Variants in CERS6 observed in about 807,000 individuals in gnomAD.
The protein encoded by CERS6 is LAG1 homolog, ceramide synthase 6.
Under a neutral mutation model 56.8 loss-of-function variants are expected in CERS6, and 26 were observed. The ratio of observed to expected loss-of-function variants is 0.46; its 90% CI spans 0.34 to 0.63. The LOEUF is 0.63. Ranked by LOEUF, CERS6 falls within the 30% of genes least tolerant of loss-of-function variation. The probability of loss-of-function intolerance (pLI) is 0.01; values close to 1 mark genes in which losing one functional copy is unlikely to be tolerated. For synonymous variants in CERS6, 164 were observed against 173.3 expected, an observed-to-expected ratio of 0.95 and a Z score of 0.42; for missense variants, 415 against 467.5, an observed-to-expected ratio of 0.89 and a Z score of 1.04.
At chr2:168,462,709 A>T (rs12616351) in intron 1 of CERS6, among the ~76,000 whole-genome samples, 3 of 151,746 alleles carry the variant, frequency 2.0e-5, no homozygotes, top group Non-Finnish European at 4.4e-5. Context: ...GCTAATTTTT[A>T]ATTTTTTTTT....
chr2:168,717,001 G>C (rs1184294710), intron 7 of CERS6, among the ~76,000 whole-genome samples: 1 of 152,110 alleles, frequency 6.6e-6, no homozygotes, highest in East Asian at 1.9e-4. Context: ...GTGTGTAGGT[G>C]CTGTGAATTC....
At chr2:168,489,104 T>C (rs1694324133) in intron 1 of CERS6, among the ~76,000 whole-genome samples, 3 of 152,152 alleles carry the variant, frequency 2.0e-5, no homozygotes, top group Admixed American at 2.0e-4. Context: ...ATGAATACTT[T>C]TAATTTTCCT....
chr2:168,565,572 A>G (rs1695870201), intron 3 of CERS6, among the ~76,000 whole-genome samples: 1 of 152,218 alleles, frequency 6.6e-6, no homozygotes, highest in Non-Finnish European at 1.5e-5. Flanking sequence ...CTTCAGGATA[A>G]TTGTATTTCA....
chr2:168,492,081 C>T (rs534896018), intron 1 of CERS6, among the ~76,000 whole-genome samples: 8 of 152,272 alleles, frequency 5.3e-5, no homozygotes, highest in Non-Finnish European at 5.9e-5. Flanking sequence ...AGTAAACATA[C>T]GTGTGCATGT....
intron 1 of CERS6, among the ~76,000 whole-genome samples, chr2:168,499,921 T>G (rs1694549543): frequency 1.3e-5 from 2 of 152,126 alleles, no homozygotes. Context: ...CTCTCATTAT[T>G]GGGCTGGATG....
At chr2:168,486,100 A>G (rs537264779) in intron 1 of CERS6, among the ~76,000 whole-genome samples, 2 of 152,274 alleles carry the variant, frequency 1.3e-5, no homozygotes, top group South Asian at 2.1e-4. Context: ...TCTTAATGAC[A>G]TATGATATTG....
chr2:168,599,403 C>T (rs926109574), intron 3 of CERS6, among the ~76,000 whole-genome samples: 7 of 152,132 alleles, frequency 4.6e-5, no homozygotes, highest in African/African-American at 1.7e-4. Context: ...CTTATCCTTT[C>T]TGTATTTTTC....
At chr2:168,752,169 G>A (rs1171214270) in intron 8 of CERS6, among the ~76,000 whole-genome samples, 2 of 152,052 alleles carry the variant, frequency 1.3e-5, no homozygotes, top group African/African-American at 4.8e-5. Flanking sequence ...CAGATGTGGT[G>A]GTGGCACAGC....
At chr2:168,740,410 C>A (rs977164508) in intron 8 of CERS6, among the ~76,000 whole-genome samples, 3 of 152,188 alleles carry the variant, frequency 2.0e-5, no homozygotes, top group African/African-American at 4.8e-5. Flanking sequence ...TTGCCAAACA[C>A]TACTAGGTAA....
intron 3 of CERS6, among the ~76,000 whole-genome samples, chr2:168,602,496 T>G (rs999713987): frequency 6.7e-6 from 1 of 150,314 alleles, no homozygotes; most frequent in Non-Finnish European, 1.5e-5. Flanking sequence ...GATAGACTTT[T>G]TACACAGGAA....
intron 4 of CERS6, among the ~76,000 whole-genome samples, chr2:168,631,715 A>AT: frequency 8.7e-6 from 1 of 115,468 alleles, no homozygotes; most frequent in Non-Finnish European, 1.7e-5. Context: ...TTTATATTAT[A>AT]TTTATATTTA....
At chr2:168,530,233 G>C (rs952482780) in intron 1 of CERS6, among the ~76,000 whole-genome samples, 14 of 152,232 alleles carry the variant, frequency 9.2e-5, no homozygotes, top group African/African-American at 3.4e-4. Flanking sequence ...ATCGCATTCA[G>C]TGAGGTACAG....
intron 3 of CERS6, among the ~76,000 whole-genome samples, chr2:168,605,763 C>T (rs551206081): frequency 6.6e-6 from 1 of 152,332 alleles, no homozygotes; most frequent in African/African-American, 2.4e-5. Context: ...AGTCATAAGC[C>T]TTGGTAGCTT....
At chr2:168,561,044 C>A (rs775949401) in intron 2 of CERS6, 148 bp from the exon 3 acceptor site, 2 of 714,134 alleles carry the variant, frequency 2.8e-6, no homozygotes, top group Non-Finnish European at 4.4e-6. Flanking sequence ...TGGAAGGCCT[C>A]GGTCCTCAGA....
chr2:168,647,488 T>C (rs1685233733), intron 4 of CERS6, among the ~76,000 whole-genome samples: 1 of 152,228 alleles, frequency 6.6e-6, no homozygotes, highest in African/African-American at 2.4e-5. Context: ...CCTCTTTTCC[T>C]ATTTGGATGC....
Position 168,466,659 on chromosome 2 carries a change from A to G in CERS6, c.170+10041A>G, listed in dbSNP as rs546653592. Among the ~76,000 whole-genome samples the G allele has an allele frequency of 4.6e-5, 7 of 152,338 alleles. No homozygotes were observed. The East Asian group carries it at 1.3e-3, about 29-fold the overall frequency. Reference sequence around the variant, plus strand: ...ATTCATCTGTAAGAATGTTTTGGGCAGTGCTGTTTTTCTTCTTTCTTCTTT... The same window carrying G: ...ATTCATCTGTAAGAATGTTTTGGGCGGTGCTGTTTTTCTTCTTTCTTCTTT... On this transcript the variant is annotated intron_variant, in intron 1 of 9. Coordinates refer to ENST00000305747, the MANE Select transcript of CERS6 (RefSeq NM_203463.3).
chr2:168,547,333 G>C (rs16855457), intron 1 of CERS6, among the ~76,000 whole-genome samples: 2,576 of 152,088 alleles, frequency 0.017, 39 homozygotes, highest in South Asian at 0.05. Flanking sequence ...AGTCTTTCTA[G>C]CTTTGTCTCA....
intron 3 of CERS6, among the ~76,000 whole-genome samples, chr2:168,562,936 C>T (rs1695817769): frequency 6.6e-6 from 1 of 152,168 alleles, no homozygotes. Context: ...TTTTGAGCCA[C>T]GAGTCTGAGC....
chr2:168,506,001 A>ATGAGTTTTGCTGTTTCTTCC (rs1694670728), intron 1 of CERS6, among the ~76,000 whole-genome samples: 1 of 152,172 alleles, frequency 6.6e-6, no homozygotes, highest in Admixed American at 6.5e-5. Context: ...GTGTGGGGCC[A>ATGAGTTTTGCTGTTTCTTCC]TGAGTTTTGC....
Sources: allele counts gnomAD v4.1 joint callset (sites outside exome capture counted in the v4.1 genomes callset), GRCh38; gene constraint gnomAD v4.1.1; transcripts MANE v1.5; gene names NCBI Gene and HGNC (gene_info 2026-07-23, HGNC 2026-07-21).